AKAP19: variants seen among roughly 807,000 people sequenced by gnomAD.
The protein encoded by AKAP19 is A-kinase anchoring protein 19.
chr2:190,193,087 G>C, the AKAP19 span, among the ~76,000 whole-genome samples: 1 of 151,980 alleles, frequency 6.6e-6, no homozygotes, highest in Non-Finnish European at 1.5e-5. Context: ...TCCTGTCATA[G>C]GGAAAAAGTG....
chr2:189,931,562 C>G, the AKAP19 span, among the ~76,000 whole-genome samples: 1 of 152,066 alleles, frequency 6.6e-6, no homozygotes, highest in Non-Finnish European at 1.5e-5. Flanking sequence ...GACAGGGTCT[C>G]GCTATGTTCC....
At chr2:189,968,465 C>T in the AKAP19 span, among the ~76,000 whole-genome samples, 17 of 152,268 alleles carry the variant, frequency 1.1e-4, no homozygotes, top group Admixed American at 9.2e-4. Context: ...GTCTTCACCT[C>T]GTGGCCTCAA....
At chr2:190,067,479 T>C in the AKAP19 span, among the ~76,000 whole-genome samples, 1 of 152,206 alleles carries the variant, frequency 6.6e-6, no homozygotes, top group African/African-American at 2.4e-5. Flanking sequence ...ACATCAAACA[T>C]GGTAATTTTA....
the AKAP19 span, among the ~76,000 whole-genome samples, chr2:189,997,995 C>A: frequency 6.6e-6 from 1 of 152,230 alleles, no homozygotes; most frequent in Admixed American, 6.5e-5. Flanking sequence ...CCCACTGCTG[C>A]TTTTACTTTT....
the AKAP19 span, among the ~76,000 whole-genome samples, chr2:190,187,257 T>C: frequency 6.6e-6 from 1 of 152,194 alleles, no homozygotes; most frequent in African/African-American, 2.4e-5. Flanking sequence ...TAACTTGAGA[T>C]ATAAGGCATC....
chr2:190,029,510 GTTAATGATACA>G, the AKAP19 span, among the ~76,000 whole-genome samples: 1 of 152,060 alleles, frequency 6.6e-6, no homozygotes, highest in Admixed American at 6.5e-5. Context: ...CTATAAAAAT[GTTAATGATACA>G]TTGTTGAGTG....
At chr2:190,163,428 C>T in the AKAP19 span, among the ~76,000 whole-genome samples, 1 of 147,570 alleles carries the variant, frequency 6.8e-6, no homozygotes, top group African/African-American at 2.5e-5. Flanking sequence ...AGCGAGACTC[C>T]GTCTCAAAAA....
the AKAP19 span, among the ~76,000 whole-genome samples, chr2:189,937,433 C>G: frequency 6.6e-6 from 1 of 151,754 alleles, no homozygotes; most frequent in Non-Finnish European, 1.5e-5. Flanking sequence ...CTTCACTCCC[C>G]TTCACAGAAA....
At chr2:190,203,193 T>A in the AKAP19 span, 4 of 167,068 alleles carry the variant, frequency 2.4e-5, no homozygotes, top group Non-Finnish European at 2.9e-5. Flanking sequence ...AGAGACTCTT[T>A]ATAAGTAATG....
the AKAP19 span, among the ~76,000 whole-genome samples, chr2:189,996,382 A>G: frequency 6.6e-6 from 1 of 151,880 alleles, no homozygotes; most frequent in South Asian, 2.1e-4. Context: ...GTTCTAGTCT[A>G]TTGTTGACAC....
chr2:189,970,072 T>G, the AKAP19 span, among the ~76,000 whole-genome samples: 1 of 151,930 alleles, frequency 6.6e-6, no homozygotes, highest in Non-Finnish European at 1.5e-5. Flanking sequence ...TTCACCATGT[T>G]CCCAGGCTGC....
the AKAP19 span, among the ~76,000 whole-genome samples, chr2:190,082,999 C>T: frequency 7.1e-3 from 1,075 of 152,284 alleles, 7 homozygotes; most frequent in Non-Finnish European, 0.011. Context: ...TTGATATATG[C>T]ATACATTATG....
At chr2:190,110,195 C>T in the AKAP19 span, among the ~76,000 whole-genome samples, 6 of 152,254 alleles carry the variant, frequency 3.9e-5, no homozygotes, top group South Asian at 2.1e-4. Context: ...CATGCTGCTT[C>T]GTAAGTGTCA....
chr2:189,925,066 A>G, the AKAP19 span, among the ~76,000 whole-genome samples: 1 of 152,160 alleles, frequency 6.6e-6, no homozygotes, highest in Admixed American at 6.5e-5. Context: ...GTTTCGCCTC[A>G]CATTTCTGGC....
At chr2:189,997,912 G>A in the AKAP19 span, among the ~76,000 whole-genome samples, 1 of 152,134 alleles carries the variant, frequency 6.6e-6, no homozygotes, top group Non-Finnish European at 1.5e-5. Flanking sequence ...TTCCCCAAAG[G>A]CCCCTGTGAA....
chr2:190,177,982 C>T, the AKAP19 span, among the ~76,000 whole-genome samples: 1 of 152,274 alleles, frequency 6.6e-6, no homozygotes, highest in South Asian at 2.1e-4. The surrounding 1 kb of genome is among the most constrained non-coding windows in gnomAD (Gnocchi z 4.6). Flanking sequence ...TCACCCTAAC[C>T]ACATTCACCT....
chr2:190,073,231 A>G, the AKAP19 span, among the ~76,000 whole-genome samples: 1 of 152,184 alleles, frequency 6.6e-6, no homozygotes, highest in East Asian at 1.9e-4. Flanking sequence ...ATGAACATAT[A>G]TAGATTTTCC....
At chr2:190,062,315 A>G in the AKAP19 span, 3 of 1,613,394 alleles carry the variant, frequency 1.9e-6, no homozygotes, top group South Asian at 3.3e-5. Context: ...TCTGGACATC[A>G]TACTGATCAA....
the AKAP19 span, among the ~76,000 whole-genome samples, chr2:190,014,577 C>T: frequency 2.6e-5 from 4 of 152,086 alleles, no homozygotes; most frequent in Non-Finnish European, 5.9e-5. Context: ...CACTCCTGGC[C>T]ACTCCAAATC....
Sources: allele counts gnomAD v4.1 joint callset (sites outside exome capture counted in the v4.1 genomes callset), GRCh38; gene constraint gnomAD v4.1.1; non-coding constraint Gnocchi (gnomAD v3.1); transcripts MANE v1.5; gene names NCBI Gene and HGNC (gene_info 2026-07-23, HGNC 2026-07-21).